Variants in ZNF385D observed in about 807,000 individuals in gnomAD.
ZNF385D encodes the protein zinc finger protein 659.
ZNF385D carries 15 observed loss-of-function variants against 35.8 expected under a neutral mutation model. That is an observed-to-expected ratio of 0.42 (90% CI 0.28 to 0.64). ZNF385D has a LOEUF of 0.64. Among genes scored for constraint, ZNF385D ranks in the 30% least tolerant of loss-of-function variants. ZNF385D has a pLI of 0.23. For missense variants in ZNF385D, 474 were observed against 494.6 expected (o/e 0.96, Z 0.39); for synonymous variants, 212 against 186.8 (o/e 1.13, Z -1.10).
chr3:22,333,495 G>A (rs898545152), intron 2 of ZNF385D, among the ~76,000 whole-genome samples: 3 of 151,668 alleles, frequency 2.0e-5, no homozygotes, highest in South Asian at 2.1e-4. Flanking sequence ...TATTTGGATC[G>A]TATAATTCCT....
intron 1 of ZNF385D, among the ~76,000 whole-genome samples, chr3:21,678,161 G>T (rs1352956550): frequency 6.6e-6 from 1 of 152,044 alleles, no homozygotes. Context: ...ATAGAATAAT[G>T]CTGACAGTTT....
rs560576255 is a variant in ZNF385D, at chr3:21,425,949, C to T, written c.674-279G>A. Among the ~76,000 whole-genome samples, 16 of 152,076 alleles carry T rather than the reference C, an allele frequency of 1.1e-4. No individual in the cohort carries two copies. The East Asian group carries it at 2.7e-3, about 26-fold the overall frequency. ...AATGCTCCGCATTACAAACAAGCAC[C>T]GTTAGTATAGTAACTAAACTTTAGA... On this transcript the variant is annotated intron_variant, in intron 5 of 7. Transcript: ENST00000281523.
chr3:21,998,105 C>A (rs1695598284), intron 3 of ZNF385D, among the ~76,000 whole-genome samples: 1 of 152,088 alleles, frequency 6.6e-6, no homozygotes, highest in African/African-American at 2.4e-5. Flanking sequence ...TATACAAATG[C>A]CATGACGGTG....
chr3:22,283,638 G>A (rs950185530), intron 2 of ZNF385D, among the ~76,000 whole-genome samples: 1 of 152,108 alleles, frequency 6.6e-6, no homozygotes, highest in Non-Finnish European at 1.5e-5. Context: ...ATGCTGTTCT[G>A]TGCCTCAATT....
In ZNF385D at chr3:22,185,716, T is replaced by C. The variant is rs1375989738; in HGVS notation, c.107-16681A>G. 6.6e-5 allele frequency among the ~76,000 whole-genome samples: 10 copies of C among 152,344 alleles called. No homozygotes were observed. The East Asian group carries it at 7.7e-4, about 12-fold the overall frequency. On this transcript the variant is annotated intron_variant, in intron 2 of 5. Transcript: ENST00000494108. ...CTCCTAACGTCATGATCCACCCGCC[T>C]TGGCCTTCCAAAGTGCTGGGATTAC...
At chr3:21,587,112 G>GAT (rs1341849612) in intron 2 of ZNF385D, among the ~76,000 whole-genome samples, 2 of 152,194 alleles carry the variant, frequency 1.3e-5, no homozygotes, top group East Asian at 3.8e-4. Context: ...AAAGTGGCAA[G>GAT]ATAGATTGGG....
intron 6 of ZNF385D, among the ~76,000 whole-genome samples, chr3:21,424,305 A>ATATATATACT (rs1424440136): frequency 0.013 from 616 of 48,084 alleles, 5 homozygotes; most frequent in South Asian, 0.038. Context: ...ATATATTTAT[A>ATATATATACT]TATATATATA....
At chr3:22,243,247 A>G (rs112040875) in intron 2 of ZNF385D, among the ~76,000 whole-genome samples, 4,017 of 151,136 alleles carry the variant, frequency 0.027, 345 homozygotes, top group African/African-American at 0.092. Context: ...AGACATATAT[A>G]AACAGCCAAT....
intron 3 of ZNF385D, among the ~76,000 whole-genome samples, chr3:21,832,761 G>C (rs958342492): frequency 1.3e-5 from 2 of 152,256 alleles, no homozygotes; most frequent in African/African-American, 4.8e-5. Flanking sequence ...TGTTGGGTGT[G>C]AAGTTGTACT....
chr3:22,265,500 A>G (rs1700853616), intron 2 of ZNF385D, among the ~76,000 whole-genome samples: 1 of 151,988 alleles, frequency 6.6e-6, no homozygotes, highest in African/African-American at 2.4e-5. Flanking sequence ...TCCACATACC[A>G]GAGAAACGCA....
intron 3 of ZNF385D, among the ~76,000 whole-genome samples, chr3:22,096,178 GAGA>G (rs1701612757): frequency 2.0e-5 from 3 of 151,932 alleles, no homozygotes; most frequent in African/African-American, 7.2e-5. Flanking sequence ...AGGGCAGGGA[GAGA>G]AGGAGACAAG....
intron 3 of ZNF385D, among the ~76,000 whole-genome samples, chr3:21,867,313 C>T (rs1697422946): frequency 6.6e-6 from 1 of 152,098 alleles, no homozygotes; most frequent in African/African-American, 2.4e-5. Flanking sequence ...TTTTTTAACA[C>T]ATGAATTTGG....
intron 3 of ZNF385D, among the ~76,000 whole-genome samples, chr3:21,809,665 C>CACATATACATAT (rs970329907): frequency 6.9e-6 from 1 of 145,940 alleles, no homozygotes; most frequent in African/African-American, 2.6e-5. Flanking sequence ...TACATATATA[C>CACATATACATAT]ACATATATAC....
At chr3:21,993,034 A>T (rs1434842677) in intron 3 of ZNF385D, among the ~76,000 whole-genome samples, 6 of 152,206 alleles carry the variant, frequency 3.9e-5, no homozygotes, top group African/African-American at 1.4e-4. Flanking sequence ...ATTTAACTGC[A>T]TCCTTGCCAA....
At chr3:21,830,002 T>TA (rs1425836474) in intron 3 of ZNF385D, among the ~76,000 whole-genome samples, 5 of 151,954 alleles carry the variant, frequency 3.3e-5, no homozygotes, top group African/African-American at 1.2e-4. Context: ...CAGGCGCCTT[T>TA]AATCCCAGCT....
chr3:21,997,913 A>AAGAG (rs1433418133), intron 3 of ZNF385D, among the ~76,000 whole-genome samples: 1 of 140,626 alleles, frequency 7.1e-6, no homozygotes, highest in African/African-American at 2.7e-5. Flanking sequence ...GTGTGACAGA[A>AAGAG]AGAGAGAGAG....
Position 21,946,950 on chromosome 3 carries a change from A to C in ZNF385D, c.325+221867T>G, listed in dbSNP as rs559601816. The stretch of plus-strand genomic sequence containing the variant: ...TGTGCAGATCTACCATAATTATTTA[A>C]ATTCAAATACCTGATTGGTCTTGTG... On this transcript the variant is annotated intron_variant, in intron 3 of 5. Transcript: ENST00000494108. Among the ~76,000 whole-genome samples the C allele has an allele frequency of 4.0e-4, 61 of 152,300 alleles. 1 individual carries two copies. Among genetic ancestry groups the C allele is most frequent in the African/African-American group, 1.4e-3 (60 of 41,570 alleles).
At chr3:22,140,702 G>C (rs991564209) in intron 3 of ZNF385D, among the ~76,000 whole-genome samples, 3 of 152,148 alleles carry the variant, frequency 2.0e-5, no homozygotes, top group Admixed American at 6.6e-5. Flanking sequence ...TGAAACATCT[G>C]AAATTATTTC....
chr3:21,484,789 G>C (rs1393932227), intron 4 of ZNF385D, among the ~76,000 whole-genome samples: 1 of 152,138 alleles, frequency 6.6e-6, no homozygotes, highest in Non-Finnish European at 1.5e-5. Flanking sequence ...CATCCTACAA[G>C]GCTGTCTCTT....
Sources: gnomAD v4.1 joint callset for allele counts (sites outside exome capture counted in the v4.1 genomes callset) on GRCh38, gnomAD v4.1.1 for gene constraint, MANE v1.5 for transcripts, NCBI Gene and HGNC (gene_info 2026-07-23, HGNC 2026-07-21) for gene names.